Variants in NR1H4 observed in about 807,000 individuals in gnomAD.
NR1H4 encodes bile acid receptor.
NR1H4 carries 23 observed loss-of-function variants against 58.5 expected under a neutral mutation model. The observed-to-expected ratio is 0.39, with a 90% CI of 0.28 to 0.56. NR1H4 has a LOEUF of 0.56. Ranked by LOEUF, NR1H4 falls within the 20% of genes least tolerant of loss-of-function variation. NR1H4 has a pLI of 0.58. For synonymous variants in NR1H4, 214 were observed against 198.0 expected (o/e 1.08, Z -0.68); for missense variants, 487 against 576.9 (o/e 0.84, Z 1.60).
In NR1H4 at chr12:100,498,054, C is replaced by A. The variant is rs985797839; in HGVS notation, c.79+4652C>A. The stretch of plus-strand genomic sequence containing the variant: ...GGAATAAAATAGCGGGAAATGAAAT[C>A]TCAGAGGCAAGTGAGATTCTCTGAA... On this transcript the variant is annotated intron_variant, in intron 3 of 10. Coordinates refer to ENST00000392986, the MANE Select transcript of NR1H4 (RefSeq NM_001206979.2). Among the ~76,000 whole-genome samples the A allele has an allele frequency of 7.9e-5, 12 of 152,266 alleles. No individual in the cohort carries two copies. In the South Asian group the frequency reaches 2.5e-3, roughly 32 times the overall value.
At chr12:100,547,647 G>C (rs1435150788) in intron 9 of NR1H4, among the ~76,000 whole-genome samples, 4 of 152,022 alleles carry the variant, frequency 2.6e-5, no homozygotes, top group Non-Finnish European at 5.9e-5. Flanking sequence ...ACATATTGCT[G>C]GAGCCTCTCT....
At chr12:100,516,873 A>G (rs1188002323) in intron 4 of NR1H4, among the ~76,000 whole-genome samples, 2 of 152,162 alleles carry the variant, frequency 1.3e-5, no homozygotes, top group African/African-American at 2.4e-5. Context: ...TAATTCTCAT[A>G]TCTTATGTCC....
chr12:100,562,762 C>G (rs969675431), intron 10 of NR1H4, among the ~76,000 whole-genome samples: 1 of 151,932 alleles, frequency 6.6e-6, no homozygotes, highest in Non-Finnish European at 1.5e-5. Flanking sequence ...ATTTGGGTGT[C>G]GAATGATGCC....
intron 3 of NR1H4, among the ~76,000 whole-genome samples, chr12:100,507,243 A>G (rs186064312): frequency 1.3e-5 from 2 of 152,266 alleles, no homozygotes; most frequent in East Asian, 3.9e-4. Flanking sequence ...TGCTTTTAAT[A>G]CTTTTTAGTT....
chr12:100,542,968 G>A (rs1954972300), intron 9 of NR1H4, among the ~76,000 whole-genome samples: 1 of 152,132 alleles, frequency 6.6e-6, no homozygotes, highest in African/African-American at 2.4e-5. Context: ...GAAGCTTACA[G>A]TCTAATGGGA....
At chr12:100,506,407 T>C (rs964211514) in intron 3 of NR1H4, among the ~76,000 whole-genome samples, 1 of 152,174 alleles carries the variant, frequency 6.6e-6, no homozygotes, top group Non-Finnish European at 1.5e-5. Context: ...GCCATGCTGG[T>C]TCTTTGGTTG....
intron 3 of NR1H4, 88 bp downstream of exon 3, chr12:100,493,490 C>T (rs546444795): frequency 1.1e-5 from 8 of 725,108 alleles, no homozygotes; most frequent in South Asian, 1.0e-4. Context: ...GAGTCCAGCC[C>T]AGGGTCAAGA....
intron 9 of NR1H4, among the ~76,000 whole-genome samples, chr12:100,548,334 T>C (rs1200603891): frequency 2.0e-5 from 3 of 148,380 alleles, no homozygotes; most frequent in Admixed American, 6.8e-5. Flanking sequence ...ACCACTGCAC[T>C]CCAGCCTGGG....
At chr12:100,537,320 G>A (rs1251129445) in intron 8 of NR1H4, among the ~76,000 whole-genome samples, 1 of 152,106 alleles carries the variant, frequency 6.6e-6, no homozygotes, top group Non-Finnish European at 1.5e-5. Context: ...AACTACTATA[G>A]ACATAAGATA....
chr12:100,506,731 CTCCTTACCT>C lies in NR1H4; in HGVS notation c.80-4046_80-4038del, dbSNP rs1157873328. ...CCATGTTGGTCAGGCTGGTCTTGAA[CTCCTTACCT>C]CAGGTGATCCACTCGCCTTTGCCTC... On this transcript the variant is annotated intron_variant, in intron 3 of 10. Coordinates refer to ENST00000392986, the MANE Select transcript of NR1H4 (RefSeq NM_001206979.2). Among the ~76,000 whole-genome samples the C allele has an allele frequency of 8.5e-4, 129 of 152,330 alleles. 1 individual carries two copies. The East Asian group carries it at 0.022, about 26-fold the overall frequency.
intron 4 of NR1H4, among the ~76,000 whole-genome samples, chr12:100,523,944 C>G (rs572508835): frequency 6.6e-6 from 1 of 152,066 alleles, no homozygotes; most frequent in Non-Finnish European, 1.5e-5. Flanking sequence ...AAAGAGAAAA[C>G]AGTCAAGCAA....
chr12:100,498,721 C>A (rs950057015), intron 3 of NR1H4, among the ~76,000 whole-genome samples: 5 of 152,054 alleles, frequency 3.3e-5, no homozygotes, highest in African/African-American at 1.2e-4. Context: ...ACATTGCTAA[C>A]AACAGCTTTG....
intron 6 of NR1H4, among the ~76,000 whole-genome samples, chr12:100,535,432 T>C (rs895003532): frequency 7.2e-5 from 11 of 152,220 alleles, no homozygotes; most frequent in African/African-American, 2.7e-4. Flanking sequence ...TGAATACACG[T>C]ATGTGGATGA....
intron 8 of NR1H4, among the ~76,000 whole-genome samples, chr12:100,540,445 G>C (rs905409355): frequency 6.6e-6 from 1 of 152,104 alleles, no homozygotes; most frequent in East Asian, 1.9e-4. Flanking sequence ...CATAATATAT[G>C]TATCTACTTG....
intron 4 of NR1H4, among the ~76,000 whole-genome samples, chr12:100,517,021 T>C (rs1754879779): frequency 6.6e-6 from 1 of 152,180 alleles, no homozygotes; most frequent in Non-Finnish European, 1.5e-5. Context: ...TAATTTATCA[T>C]TTCTTCATTA....
chr12:100,474,520 TAGA>T (rs1953226753), intron 1 of NR1H4, among the ~76,000 whole-genome samples: 1 of 152,218 alleles, frequency 6.6e-6, no homozygotes, highest in East Asian at 1.9e-4. Flanking sequence ...AATTTTTCCC[TAGA>T]AGAAGAGTAG....
chr12:100,483,421 G>T (rs1002843634), intron 1 of NR1H4, among the ~76,000 whole-genome samples: 1 of 152,046 alleles, frequency 6.6e-6, no homozygotes. Flanking sequence ...CTATGTAGTG[G>T]TTACTAAGAT....
chr12:100,518,144 G>C (rs1190700022), intron 4 of NR1H4, among the ~76,000 whole-genome samples: 1 of 152,202 alleles, frequency 6.6e-6, no homozygotes, highest in Admixed American at 6.5e-5. Context: ...CTTGTGAACT[G>C]TGCTTATGAC....
intron 9 of NR1H4, among the ~76,000 whole-genome samples, chr12:100,560,212 C>T (rs967089727): frequency 2.6e-5 from 4 of 152,174 alleles, no homozygotes; most frequent in African/African-American, 9.7e-5. Context: ...ACAAAACAGG[C>T]CACTGGGCTC....
Sources: allele counts gnomAD v4.1 joint callset (sites outside exome capture counted in the v4.1 genomes callset), GRCh38; gene constraint gnomAD v4.1.1; transcripts MANE v1.5; gene names NCBI Gene and HGNC (gene_info 2026-07-23, HGNC 2026-07-21).